PLCB4: variants seen among roughly 807,000 people sequenced by gnomAD.
PLCB4 encodes phospholipase C beta 4.
In PLCB4, 77 loss-of-function variants were observed where a neutral mutation model predicts 178.8. The observed-to-expected ratio is 0.43, with a 90% CI of 0.36 to 0.52. The LOEUF is 0.52. Ranked by LOEUF, PLCB4 falls within the 20% of genes least tolerant of loss-of-function variation. The pLI is 0.00. For missense variants in PLCB4, 1,024 were observed against 1,453.4 expected, an observed-to-expected ratio of 0.70 and a Z score of 4.80; for synonymous variants, 496 against 490.8, an observed-to-expected ratio of 1.01 and a Z score of -0.14.
At chr20:9,141,885 C>G (rs1338330225) in intron 2 of PLCB4, among the ~76,000 whole-genome samples, 2 of 151,920 alleles carry the variant, frequency 1.3e-5, no homozygotes, top group Admixed American at 1.3e-4. Flanking sequence ...AGAGGGCATT[C>G]TAGGCTGTGA....
intron 4 of PLCB4, among the ~76,000 whole-genome samples, chr20:9,325,965 T>TAA (rs1312611320): frequency 6.6e-6 from 1 of 152,196 alleles, no homozygotes; most frequent in Non-Finnish European, 1.5e-5. Flanking sequence ...CGGTGTCTGA[T>TAA]AAGAGCCCAT....
intron 3 of PLCB4, among the ~76,000 whole-genome samples, chr20:9,256,445 C>T (rs751040807): frequency 1.6e-4 from 25 of 152,160 alleles, no homozygotes; most frequent in Non-Finnish European, 5.9e-5. Flanking sequence ...AGAAACTTAC[C>T]CCTGCAAATC....
intron 3 of PLCB4, among the ~76,000 whole-genome samples, chr20:9,300,048 T>TG (rs2094685695): frequency 6.6e-6 from 1 of 152,134 alleles, no homozygotes; most frequent in African/African-American, 2.4e-5. Context: ...TCAAATTAGA[T>TG]TCTTACTGGA....
chr20:9,379,554 G>C lies in PLCB4; in HGVS notation c.745-500G>C, dbSNP rs149271242. On this transcript the variant is annotated intron_variant, in intron 12 of 39. Transcript: ENST00000378473. ...AGAAATCATGGATTGATGTAGAAAG[G>C]TGTTATGAAAAAGAGATGATGTTTG... is the stretch of plus-strand genomic sequence containing the variant. 5.0e-3 allele frequency among the ~76,000 whole-genome samples: 765 copies of C among 152,228 alleles called. 6 individuals are homozygous for C. Among genetic ancestry groups the C allele is most frequent in the African/African-American group, 0.017 (688 of 41,508 alleles).
At chr20:9,425,933 C>G (rs1244238281) in intron 28 of PLCB4, among the ~76,000 whole-genome samples, 1 of 152,042 alleles carries the variant, frequency 6.6e-6, no homozygotes, top group Non-Finnish European at 1.5e-5. Flanking sequence ...TCAAAATATA[C>G]TTATATTTTC....
At chr20:9,444,766 A>G (rs959316193) in intron 32 of PLCB4, among the ~76,000 whole-genome samples, 7 of 152,174 alleles carry the variant, frequency 4.6e-5, no homozygotes, top group Admixed American at 2.6e-4. Context: ...CATCTCAAAA[A>G]AAAAGAAAAA....
intron 1 of PLCB4, among the ~76,000 whole-genome samples, chr20:9,070,141 G>A (rs974504552): frequency 6.6e-6 from 1 of 152,024 alleles, no homozygotes; most frequent in Admixed American, 6.6e-5. Context: ...TCAAACATAG[G>A]CAGCTATGTA....
At chr20:9,085,344 A>G (rs1329071261) in intron 1 of PLCB4, among the ~76,000 whole-genome samples, 3 of 152,142 alleles carry the variant, frequency 2.0e-5, no homozygotes, top group African/African-American at 4.8e-5. Flanking sequence ...GTTATGAGCT[A>G]TTTAGTTCTT....
At chr20:9,312,780 G>C (rs1011680931) in intron 4 of PLCB4, among the ~76,000 whole-genome samples, 2 of 152,140 alleles carry the variant, frequency 1.3e-5, no homozygotes, top group African/African-American at 2.4e-5. Context: ...AGAATTTTAC[G>C]TAGGAAAGGA....
chr20:9,460,500 T>A (rs973525824), intron 35 of PLCB4, among the ~76,000 whole-genome samples: 1 of 152,198 alleles, frequency 6.6e-6, no homozygotes, highest in Non-Finnish European at 1.5e-5. Context: ...AACAGCAAAG[T>A]ATCAGTTTAT....
At chr20:9,436,979 C>A in intron 29 of PLCB4, 23 bp from the exon 30 acceptor site, 1 of 1,610,968 alleles carries the variant, frequency 6.2e-7, no homozygotes, top group South Asian at 1.1e-5. Context: ...TCATTTGGGT[C>A]AATGTAAATG....
chr20:9,173,290 GCA>G (rs1024547960), intron 2 of PLCB4, among the ~76,000 whole-genome samples: 11 of 152,214 alleles, frequency 7.2e-5, no homozygotes, highest in African/African-American at 2.2e-4. Context: ...TTTTGGTCCT[GCA>G]CAGTGTTACT....
intron 2 of PLCB4, among the ~76,000 whole-genome samples, chr20:9,144,106 A>T (rs1251365241): frequency 1.3e-5 from 2 of 152,156 alleles, no homozygotes; most frequent in African/African-American, 4.8e-5. Flanking sequence ...CAGGGGATGC[A>T]GATGTGTTTT....
At chr20:9,361,624 G>A (rs2035339444) in intron 7 of PLCB4, among the ~76,000 whole-genome samples, 1 of 152,222 alleles carries the variant, frequency 6.6e-6, no homozygotes, top group South Asian at 2.1e-4. Flanking sequence ...TAAAAATGGT[G>A]AAGGTGATAA....
intron 2 of PLCB4, among the ~76,000 whole-genome samples, chr20:9,207,385 T>C (rs540579231): frequency 2.5e-4 from 38 of 152,314 alleles, no homozygotes; most frequent in African/African-American, 8.2e-4. Flanking sequence ...GAAACATCAC[T>C]GAGTAAATGT....
intron 33 of PLCB4, among the ~76,000 whole-genome samples, chr20:9,456,101 G>T (rs560590568): frequency 1.9e-4 from 29 of 152,192 alleles, no homozygotes; most frequent in Non-Finnish European, 4.1e-4. Flanking sequence ...TTCCCGAAGT[G>T]CTGGAATTAC....
intron 2 of PLCB4, among the ~76,000 whole-genome samples, chr20:9,107,267 G>A (rs1431277670): frequency 6.6e-6 from 1 of 152,186 alleles, no homozygotes; most frequent in Non-Finnish European, 1.5e-5. Context: ...CTTCAGAAGT[G>A]CATTAAAGAA....
intron 28 of PLCB4, among the ~76,000 whole-genome samples, chr20:9,426,660 A>T (rs1387346225): frequency 1.3e-5 from 2 of 152,114 alleles, no homozygotes; most frequent in Admixed American, 6.5e-5. Flanking sequence ...TACAGACGTG[A>T]GCCACTGTGC....
chr20:9,341,765 G>A (rs1378161938), intron 7 of PLCB4, among the ~76,000 whole-genome samples: 2 of 152,024 alleles, frequency 1.3e-5, no homozygotes, highest in Non-Finnish European at 2.9e-5. Flanking sequence ...GTGGGGGGAT[G>A]TATACTTCAA....
Sources: gnomAD v4.1 joint callset for allele counts (sites outside exome capture counted in the v4.1 genomes callset) on GRCh38, gnomAD v4.1.1 for gene constraint, MANE v1.5 for transcripts, NCBI Gene and HGNC (gene_info 2026-07-23, HGNC 2026-07-21) for gene names.